DGKD: variants seen among roughly 807,000 people sequenced by gnomAD.
DGKD encodes the protein diacylglycerol kinase delta.
DGKD carries 68 observed loss-of-function variants against 154.4 expected under a neutral mutation model. The observed-to-expected ratio is 0.44, with a 90% confidence interval of 0.36 to 0.54. DGKD has a LOEUF of 0.54. DGKD is among the 20% of genes least tolerant of loss of function. The probability of loss-of-function intolerance (pLI) is 0.00; values close to 1 mark genes in which losing one functional copy is unlikely to be tolerated. For missense variants in DGKD, 1,343 were observed against 1,593.6 expected (o/e 0.84, Z 2.68); for synonymous variants, 693 against 638.0 (o/e 1.09, Z -1.30).
chr2:233,394,355 G>A (rs1407639182), intron 3 of DGKD, among the ~76,000 whole-genome samples: 2 of 151,982 alleles, frequency 1.3e-5, no homozygotes, highest in African/African-American at 4.8e-5. Flanking sequence ...TGATCCTCCT[G>A]CCTCAGCCTC....
chr2:233,424,127 T>C (rs1218831359), intron 3 of DGKD, among the ~76,000 whole-genome samples: 1 of 152,226 alleles, frequency 6.6e-6, no homozygotes, highest in Non-Finnish European at 1.5e-5. Flanking sequence ...TCATGACCGT[T>C]GGACCGTTGT....
In DGKD at chr2:233,458,440, C is replaced by T. The variant is rs780159555; in HGVS notation, c.2694+43C>T. 2.1e-5 allele frequency: 32 copies of T among 1,494,102 alleles called. No individual in the cohort carries two copies. Among genetic ancestry groups the T allele is most frequent in the Middle Eastern group, 2.0e-4 (1 of 5,006 alleles). The allele number at this position is 1,494,102 out of a possible 1,614,324, so 92.6% of individuals were successfully genotyped here. On this transcript the variant is annotated intron_variant, in intron 22 of 29. Transcript: ENST00000264057. The surrounding 1 kb of genome is among the most constrained non-coding windows in gnomAD (Gnocchi z 6.6). ...GGGGTGTCTGGCCGAGTCCCCAGCC[C>T]GGAGTGTGCTAAATTCTGGGGCAGT...
intron 3 of DGKD, among the ~76,000 whole-genome samples, chr2:233,408,262 G>A (rs190364191): frequency 4.8e-4 from 73 of 152,250 alleles, no homozygotes; most frequent in African/African-American, 1.4e-3. Context: ...GGCTGGTCTC[G>A]AACTCCTGAC....
intron 1 of DGKD, among the ~76,000 whole-genome samples, chr2:233,368,881 T>C (rs1702171968): frequency 6.6e-6 from 1 of 152,252 alleles, no homozygotes; most frequent in East Asian, 1.9e-4. Flanking sequence ...GATAGAGTCC[T>C]GGAGCTGGAG....
At chr2:233,382,688 A>G (rs957152815) in intron 1 of DGKD, among the ~76,000 whole-genome samples, 4 of 152,244 alleles carry the variant, frequency 2.6e-5, no homozygotes, top group Middle Eastern at 3.4e-3. Context: ...AAATGTGGAA[A>G]TCCTCACTCC....
intron 3 of DGKD, among the ~76,000 whole-genome samples, chr2:233,405,695 C>T (rs1238996486): frequency 6.6e-6 from 1 of 152,132 alleles, no homozygotes; most frequent in Non-Finnish European, 1.5e-5. Flanking sequence ...CCAGATGCCG[C>T]ACCATGCTCT....
intron 17 of DGKD, among the ~76,000 whole-genome samples, 169 bp downstream of exon 17, chr2:233,451,219 TTAAAAAC>T (rs577164019): frequency 0.013 from 1,959 of 148,442 alleles, 34 homozygotes; most frequent in African/African-American, 0.047. Context: ...TTTTTTTTTT[TTAAAAAC>T]AAAAAACAAA....
intron 12 of DGKD, 72 bp downstream of exon 12, chr2:233,446,868 A>C: frequency 1.3e-6 from 2 of 1,560,154 alleles, no homozygotes; most frequent in Non-Finnish European, 1.8e-6. Context: ...AGCGGTTTGC[A>C]TCACCTCCCT....
At chr2:233,465,135 C>G (rs1388037651) in intron 27 of DGKD, among the ~76,000 whole-genome samples, 2 of 152,214 alleles carry the variant, frequency 1.3e-5, no homozygotes, top group Non-Finnish European at 1.5e-5. Context: ...GGATGAAACT[C>G]AGCAGCTTCT....
intron 24 of DGKD, 28 bp downstream of exon 24, chr2:233,460,373 A>C (rs903388824): frequency 6.2e-7 from 1 of 1,611,810 alleles, no homozygotes; most frequent in Admixed American, 1.7e-5. Context: ...TGCGTTGCGC[A>C]TGAGCCTCCC....
At chr2:233,468,117 G>A (rs139595060) in intron 28 of DGKD, among the ~76,000 whole-genome samples, 24 of 152,016 alleles carry the variant, frequency 1.6e-4, no homozygotes, top group Admixed American at 4.6e-4. Context: ...CCCCTTGAGC[G>A]GGTGGCTCTG....
chr2:233,437,392 A>G lies in DGKD; in HGVS notation c.835A>G (p.Lys279Glu). 2 of 1,614,214 alleles carry G rather than the reference A, an allele frequency of 1.2e-6. No homozygotes were observed. The highest frequency in any genetic ancestry group is 1.7e-6 in the Non-Finnish European group (2 of 1,180,018). Reference protein sequence around the residue: ...WCKAMVHTSCKESLLTKCPLG... With the variant: ...WCKAMVHTSCEESLLTKCPLG... ...CTTGTTTCAGGTTCACACATCGTGT[A>G]AAGAATCCTTGCTGACCAAGTGCCC... is the stretch of plus-strand genomic sequence containing the variant. Residue 279 changes from lysine (K) to glutamate (E), a missense_variant, in exon 8 of 30, where the codon AAA becomes GAA. Lys to Glu is a moderately conservative substitution (Grantham distance 56, BLOSUM62 1). This residue lies in a region of DGKD where 332 missense variants were observed against 400.1 expected (regional missense o/e 0.83). Transcript: ENST00000264057.
chr2:233,464,085 G>A (rs911123715), intron 26 of DGKD, 79 bp from the exon 27 acceptor site: 19 of 1,586,100 alleles, frequency 1.2e-5, no homozygotes, highest in Middle Eastern at 1.7e-4. Flanking sequence ...GCCCTGGAGC[G>A]GACCTCACCC....
chr2:233,388,216 C>T, intron 1 of DGKD, 41 bp from the exon 2 acceptor site: 1 of 1,594,794 alleles, frequency 6.3e-7, no homozygotes, highest in Non-Finnish European at 8.5e-7. Flanking sequence ...GAAAGGGCAC[C>T]TTGAAAACGC....
Position 233,438,255 on chromosome 2 carries a change from C to G in DGKD, c.961C>G (p.Pro321Ala). 1.9e-6 allele frequency: 3 copies of G among 1,614,168 alleles called. No individual in the cohort carries two copies. Among genetic ancestry groups the G allele is most frequent in the Non-Finnish European group, 2.5e-6 (3 of 1,180,022 alleles). ...KASCPPSCTS[P>A]LLVFVNSKSG... is the part of the protein sequence containing the mutation. The stretch of plus-strand genomic sequence containing the variant: ...CAGCTGTCCTCCTTCTTGCACAAGC[C>G]CACTGTTGGTCTTCGTCAATTCAAA... The change falls in exon 9 of 30, where the codon CCA becomes GCA. Residue 321 changes from proline (P) to alanine (A), a missense_variant. By Grantham distance (27) the Pro-to-Ala change is conservative. Around this residue, in one of 6 missense-constraint regions of DGKD, gnomAD observed 332 missense variants for 400.1 expected, o/e 0.83. Coordinates refer to ENST00000264057, the MANE Select transcript of DGKD (RefSeq NM_152879.3). The surrounding 1 kb of genome is among the most constrained non-coding windows in gnomAD (Gnocchi z 4.1).
intron 24 of DGKD, among the ~76,000 whole-genome samples, chr2:233,462,051 C>T (rs2063661988): frequency 6.6e-6 from 1 of 152,264 alleles, no homozygotes; most frequent in East Asian, 1.9e-4. Context: ...CACACTGTCA[C>T]TTGCCCACTG....
chr2:233,464,022 T>C, intron 26 of DGKD, 142 bp from the exon 27 acceptor site: 1 of 1,183,030 alleles, frequency 8.5e-7, no homozygotes, highest in Non-Finnish European at 1.2e-6. Context: ...CCTTTTCTGG[T>C]GCTCTGGGAC....
intron 3 of DGKD, among the ~76,000 whole-genome samples, chr2:233,400,782 C>G (rs141760648): frequency 3.9e-5 from 6 of 152,146 alleles, no homozygotes; most frequent in African/African-American, 1.4e-4. Context: ...AGCTAGAGCT[C>G]GACAGGCCTG....
chr2:233,464,095 C>A (rs1559184930), intron 26 of DGKD, 69 bp from the exon 27 acceptor site: 2 of 1,600,730 alleles, frequency 1.2e-6, no homozygotes, highest in South Asian at 1.1e-5. Flanking sequence ...GGACCTCACC[C>A]CCCTGGGCCT....
Sources: allele counts gnomAD v4.1 joint callset (sites outside exome capture counted in the v4.1 genomes callset), GRCh38; gene constraint gnomAD v4.1.1; regional missense constraint gnomAD v4.1.1; non-coding constraint Gnocchi (gnomAD v3.1); transcripts MANE v1.5; gene names NCBI Gene and HGNC (gene_info 2026-07-23, HGNC 2026-07-21).